The following ADGRA3 variants were observed in gnomAD, a reference collection of about 807,000 sequenced individuals.
ADGRA3 encodes adhesion G protein-coupled receptor A3, also known as G-protein coupled receptor 125.
In ADGRA3, 56 loss-of-function variants were observed where a neutral mutation model predicts 119.8. That is an observed-to-expected ratio of 0.47 (90% confidence interval 0.38 to 0.58). The LOEUF is 0.58. ADGRA3 is among the 20% of genes least tolerant of loss of function. The pLI is 0.00. For synonymous variants in ADGRA3, 607 were observed against 623.8 expected (o/e 0.97, Z 0.40); for missense variants, 1,516 against 1,649.0 (o/e 0.92, Z 1.40).
Position 22,472,752 on chromosome 4 carries a change from G to A in ADGRA3, c.329+1020C>T, listed in dbSNP as rs189596150. On this transcript the variant is annotated intron_variant, in intron 2 of 18. Coordinates refer to ENST00000334304, the MANE Select transcript of ADGRA3 (RefSeq NM_145290.4). ...GGTGAAAGAGTCAAGAAAAGGCCAC[G>A]CAGAGAAGTGGAGAAAGTGAAGCTG... Among the ~76,000 whole-genome samples, 634 of 152,224 alleles carry A rather than the reference G, an allele frequency of 4.2e-3. 20 individuals are homozygous for A. Among genetic ancestry groups the A allele is most frequent in the Admixed American group, 0.037 (561 of 15,280 alleles).
At chr4:22,401,684 T>G in intron 15 of ADGRA3, 130 bp from the exon 16 acceptor site, 1 of 573,200 alleles carries the variant, frequency 1.7e-6, no homozygotes, top group East Asian at 2.9e-5. Flanking sequence ...TTAACAAACA[T>G]ATACTACCAG....
chr4:22,403,602 C>G (rs893595208), intron 14 of ADGRA3, among the ~76,000 whole-genome samples: 1 of 151,870 alleles, frequency 6.6e-6, no homozygotes, highest in Non-Finnish European at 1.5e-5. Flanking sequence ...TTAGCCAGGC[C>G]TGGTGGTGTG....
intron 6 of ADGRA3, 148 bp from the exon 7 acceptor site, chr4:22,443,011 T>C (rs1298148476): frequency 1.4e-6 from 1 of 696,098 alleles, no homozygotes; most frequent in Admixed American, 2.4e-5. Context: ...TCAACCAGGC[T>C]GCTACTGAGT....
chr4:22,453,167 C>CAA (rs1224653583), intron 4 of ADGRA3, among the ~76,000 whole-genome samples: 113 of 143,252 alleles, frequency 7.9e-4, no homozygotes, highest in African/African-American at 2.9e-3. Flanking sequence ...TGCCACTGCA[C>CAA]TCCAGCCTGG....
At chr4:22,476,538 T>A in intron 1 of ADGRA3, among the ~76,000 whole-genome samples, 1 of 152,184 alleles carries the variant, frequency 6.6e-6, no homozygotes, top group East Asian at 1.9e-4. Flanking sequence ...AAAACTGATA[T>A]CCTTGATTGA....
Position 22,438,335 on chromosome 4 carries a change from T to A in ADGRA3, c.1006A>T (p.Thr336Ser). The change falls in exon 8 of 19, where the codon ACT becomes TCT. Residue 336 changes from threonine (T) to serine (S), a missense_variant. Thr to Ser is a moderately conservative substitution (Grantham distance 58, BLOSUM62 1). This residue lies in a region of ADGRA3 where 428 missense variants were observed against 541.9 expected (regional missense o/e 0.79). Transcript: ENST00000334304. The part of the protein sequence containing the change: ...VQTKRGNNTR[T>S]VDIVVLESSA... ...CTCTCTAATACCACAATATCCACAG[T>A]CCTCGTATTATTCCCACGTTTGGTC... 2 of 1,613,008 alleles carry A rather than the reference T, an allele frequency of 1.2e-6. No individual in the cohort carries two copies. The highest frequency in any genetic ancestry group is 2.2e-5 in the East Asian group (1 of 44,870).
chr4:22,438,984 G>A (rs1052044543), intron 7 of ADGRA3, among the ~76,000 whole-genome samples: 1 of 152,082 alleles, frequency 6.6e-6, no homozygotes, highest in Non-Finnish European at 1.5e-5. Flanking sequence ...CTGGGTGACA[G>A]AGCAAGTCTC....
At chr4:22,507,337 CTGTTCTCTAGAGTTAAGAT>C (rs1719277819) in intron 1 of ADGRA3, among the ~76,000 whole-genome samples, 1 of 152,168 alleles carries the variant, frequency 6.6e-6, no homozygotes, top group Non-Finnish European at 1.5e-5. Flanking sequence ...TAAATTAGCT[CTGTTCTCTAGAGTTAAGAT>C]TCCTCCAGAG....
At chr4:22,515,023 AAACTAAGATAGCAAAAGGCAAAGG>A (rs1410096345) in intron 1 of ADGRA3, among the ~76,000 whole-genome samples, 2 of 152,208 alleles carry the variant, frequency 1.3e-5, no homozygotes, top group Non-Finnish European at 2.9e-5. Flanking sequence ...AACTGTAATA[AAACTAAGATAGCAAAAGGCAAAGG>A]AAGCGTCTTG....
Position 22,508,572 on chromosome 4 carries a change from C to A in ADGRA3, c.257+6956G>T, listed in dbSNP as rs560088846. On this transcript the variant is annotated intron_variant, in intron 1 of 18. Transcript: ENST00000334304. ...AGATTTTGCATTCAAAGATAACAAT[C>A]TTACTCTTGATCCAATGGCTCTGCT... 2.0e-5 allele frequency among the ~76,000 whole-genome samples: 3 copies of A among 152,272 alleles called. No homozygotes were observed. In the South Asian group the frequency reaches 6.2e-4, roughly 32 times the overall value.
At chr4:22,449,211 AGT>A (rs1175142235) in intron 4 of ADGRA3, among the ~76,000 whole-genome samples, 1 of 151,990 alleles carries the variant, frequency 6.6e-6, no homozygotes, top group East Asian at 1.9e-4. Flanking sequence ...CAGAGGCTGC[AGT>A]GAGCCAGGAC....
At chr4:22,400,941 T>A (rs969765955) in intron 16 of ADGRA3, among the ~76,000 whole-genome samples, 1 of 152,194 alleles carries the variant, frequency 6.6e-6, no homozygotes, top group African/African-American at 2.4e-5. Flanking sequence ...GCAAGAAGAC[T>A]ATTCACTAAG....
chr4:22,440,238 G>T (rs182486142), intron 7 of ADGRA3, among the ~76,000 whole-genome samples: 14 of 152,036 alleles, frequency 9.2e-5, no homozygotes, highest in African/African-American at 2.9e-4. Context: ...AATGTTTCCT[G>T]GATAACTTTT....
At chr4:22,451,624 A>AG (rs1717045320) in intron 4 of ADGRA3, among the ~76,000 whole-genome samples, 1 of 152,050 alleles carries the variant, frequency 6.6e-6, no homozygotes, top group East Asian at 1.9e-4. Flanking sequence ...AAAAAAAAAA[A>AG]ATTATTAAAT....
At position 22,389,190 on chromosome 4, in the gene ADGRA3, G is replaced by A. The variant is rs368335265; in HGVS notation, c.2628-7C>T. ...ACCACCAATCAGGTAAAATCTAGAAGGAGGAATCACAGGAAAAACCACTCA... is the reference window on the plus strand; with the variant it reads ...ACCACCAATCAGGTAAAATCTAGAAAGAGGAATCACAGGAAAAACCACTCA... On this transcript the variant is annotated splice_region_variant and splice_polypyrimidine_tract_variant and intron_variant, in intron 17 of 18. Transcript: ENST00000334304. The A allele has an allele frequency of 1.6e-5, 26 of 1,597,466 alleles. No individual in the cohort carries two copies. The highest frequency in any genetic ancestry group is 2.1e-5 in the Non-Finnish European group (25 of 1,165,382).
In ADGRA3 at chr4:22,440,034, C is replaced by A. The variant is rs1269813152; in HGVS notation, c.921-1614G>T. Reference sequence around the variant, plus strand: ...CTTCTTAATGAGATATGTGTGCCTGCTAGACACTCTAAAATTAATCTAACC... The same window carrying A: ...CTTCTTAATGAGATATGTGTGCCTGATAGACACTCTAAAATTAATCTAACC... On this transcript the variant is annotated intron_variant, in intron 7 of 18. Transcript: ENST00000334304. Among the ~76,000 whole-genome samples the A allele has an allele frequency of 3.9e-5, 6 of 152,110 alleles. No homozygotes were observed. The South Asian group carries it at 1.0e-3, about 26-fold the overall frequency.
chr4:22,424,845 G>T (rs1715866951), intron 10 of ADGRA3, among the ~76,000 whole-genome samples: 1 of 152,172 alleles, frequency 6.6e-6, no homozygotes, highest in Non-Finnish European at 1.5e-5. Flanking sequence ...GCCGAGGTGG[G>T]TGGATCATTT....
chr4:22,414,477 A>T (rs1020474875), intron 12 of ADGRA3: 6 of 476,098 alleles, frequency 1.3e-5, no homozygotes, highest in African/African-American at 4.0e-5. Context: ...TTCAGTAAAA[A>T]ATATATATAT....
rs1285282952 is a variant in ADGRA3, at chr4:22,388,845, CAACTGAATA to C, written c.2817_2825del (p.Phe939_Gln941del). On this transcript the variant is annotated inframe_deletion, in exon 19 of 19. Coordinates refer to ENST00000334304, the MANE Select transcript of ADGRA3 (RefSeq NM_145290.4). ...CATATTTGCGCTCAGGGTGTCTTTT[CAACTGAATA>C]AATATGCTCAGAAAGTACATGCAGT... The C allele has an allele frequency of 3.1e-6, 5 of 1,613,934 alleles. No homozygotes were observed. The highest frequency in any genetic ancestry group is 4.2e-6 in the Non-Finnish European group (5 of 1,179,984).
Sources: allele counts gnomAD v4.1 joint callset (sites outside exome capture counted in the v4.1 genomes callset), GRCh38; gene constraint gnomAD v4.1.1; regional missense constraint gnomAD v4.1.1; transcripts MANE v1.5; gene names NCBI Gene and HGNC (gene_info 2026-07-23, HGNC 2026-07-21).